Variants in GTF2IRD1 observed in about 807,000 individuals in gnomAD.
GTF2IRD1 encodes GTF2I repeat domain containing 1.
GTF2IRD1 carries 26 observed loss-of-function variants against 113.2 expected under a neutral mutation model. The ratio of observed to expected loss-of-function variants is 0.23; its 90% CI spans 0.17 to 0.32. The LOEUF (loss-of-function observed/expected upper bound fraction) is 0.32. Ranked by LOEUF, GTF2IRD1 falls within the 10% of genes least tolerant of loss-of-function variation. GTF2IRD1 has a pLI of 1.00. For synonymous variants in GTF2IRD1, 484 were observed against 529.1 expected (o/e 0.91, Z 1.17); for missense variants, 864 against 1,280.8 (o/e 0.67, Z 4.97).
At position 74,482,223 on chromosome 7, in the gene GTF2IRD1, CTTTTTTT is replaced by C. The variant is rs5884948; in HGVS notation, c.-6-25835_-6-25829del. Among the ~76,000 whole-genome samples, 9 of 107,998 alleles carry C rather than the reference CTTTTTTT, an allele frequency of 8.3e-5. No individual in the cohort carries two copies. The East Asian group carries it at 2.1e-3, about 25-fold the overall frequency. The allele number at this position is 107,998 out of a possible 152,430, so 70.9% of individuals were successfully genotyped here. Reference sequence around the variant, plus strand: ...TCCCAATACCTGATGTCTCCTAAAACTTTTTTTTTTTTTTTTTTTTTTTGAGACGGGC... The same window carrying C: ...TCCCAATACCTGATGTCTCCTAAAACTTTTTTTTTTTTTTTTGAGACGGGC... On this transcript the variant is annotated intron_variant, in intron 1 of 26. Transcript: ENST00000424337.
intron 14 of GTF2IRD1, among the ~76,000 whole-genome samples, chr7:74,543,049 T>C (rs1798717277): frequency 6.6e-6 from 1 of 150,580 alleles, no homozygotes; most frequent in Non-Finnish European, 1.5e-5. Context: ...CTCACACTTA[T>C]AATCCCAGCA....
At chr7:74,579,025 C>T (rs1196891367) in intron 22 of GTF2IRD1, among the ~76,000 whole-genome samples, 3 of 151,484 alleles carry the variant, frequency 2.0e-5, no homozygotes, top group African/African-American at 7.3e-5. Context: ...AGCATAGATC[C>T]GTTAAAAAGT....
intron 1 of GTF2IRD1, among the ~76,000 whole-genome samples, chr7:74,468,516 G>A (rs954566029): frequency 4.0e-5 from 6 of 151,690 alleles, no homozygotes; most frequent in Admixed American, 6.6e-5. Flanking sequence ...AAAATTAGCC[G>A]GGCGTGGTGG....
Position 74,601,628 on chromosome 7 carries a change from C to T in GTF2IRD1, c.2766+448C>T, listed in dbSNP as rs145490962. The T allele has an allele frequency of 1.2e-3, 536 of 442,860 alleles. 2 individuals are homozygous for T. The highest frequency in any genetic ancestry group is 8.3e-3 in the African/African-American group (425 of 50,940). 27.4% of individuals were successfully genotyped at this position (442,860 alleles called of 1,614,324 possible). A position where few individuals can be genotyped will look rare whatever the true frequency, so the allele number is the denominator to read the frequency against. On this transcript the variant is annotated intron_variant, in intron 26 of 26. Coordinates refer to ENST00000424337, the MANE Select transcript of GTF2IRD1 (RefSeq NM_005685.4). ...TCTCTACTAAAAATACAAAATTAGC[C>T]GGGCAAAGTGGGGCATAGTGGCTCA...
At chr7:74,595,416 A>AG (rs1173105341) in intron 25 of GTF2IRD1, among the ~76,000 whole-genome samples, 1 of 151,764 alleles carries the variant, frequency 6.6e-6, no homozygotes, top group African/African-American at 2.4e-5. Context: ...GAAAAAAAGA[A>AG]AAAAAGAAAG....
chr7:74,594,706 C>T (rs1311286833), intron 24 of GTF2IRD1, among the ~76,000 whole-genome samples: 1 of 152,108 alleles, frequency 6.6e-6, no homozygotes, highest in Non-Finnish European at 1.5e-5. Flanking sequence ...TATCCCAGCA[C>T]TTTGGGAGGT....
intron 22 of GTF2IRD1, among the ~76,000 whole-genome samples, chr7:74,577,177 A>T (rs1371553727): frequency 3.3e-5 from 5 of 152,106 alleles, no homozygotes; most frequent in Admixed American, 2.0e-4. Context: ...AGCTGTGACT[A>T]CAAGCGTGCA....
At chr7:74,469,952 T>C (rs1554331903) in intron 1 of GTF2IRD1, among the ~76,000 whole-genome samples, 1 of 152,126 alleles carries the variant, frequency 6.6e-6, no homozygotes, top group African/African-American at 2.4e-5. Flanking sequence ...AATTATCATA[T>C]TCTTTATTAT....
chr7:74,553,849 T>A (rs1799452267), intron 17 of GTF2IRD1, among the ~76,000 whole-genome samples: 1 of 152,142 alleles, frequency 6.6e-6, no homozygotes, highest in African/African-American at 2.4e-5. Flanking sequence ...GAACCTGAGT[T>A]CTCCCATAAA....
chr7:74,499,833 C>T (rs1297679760), intron 1 of GTF2IRD1, among the ~76,000 whole-genome samples: 9 of 151,952 alleles, frequency 5.9e-5, no homozygotes, highest in African/African-American at 1.9e-4. Flanking sequence ...TGAATGTGCA[C>T]ACCAAGTAAT....
chr7:74,581,922 G>A (rs1336868175), intron 22 of GTF2IRD1, among the ~76,000 whole-genome samples: 1 of 152,162 alleles, frequency 6.6e-6, no homozygotes, highest in African/African-American at 2.4e-5. Context: ...ATGGAGGATG[G>A]CTTCAGCTCA....
intron 22 of GTF2IRD1, among the ~76,000 whole-genome samples, chr7:74,576,782 G>A (rs587599501): frequency 1.2e-3 from 183 of 149,220 alleles, no homozygotes; most frequent in Non-Finnish European, 2.2e-3. Context: ...CAACATGCCC[G>A]GCTAATTTTT....
In GTF2IRD1 at chr7:74,465,728, C is replaced by G. The variant is rs555674572; in HGVS notation, c.-7+11552C>G. ...TTTTCTGCCTGTCTGGGACACACCC[C>G]CTCTGTCCGTGGGGTGTGGGGTGTG... On this transcript the variant is annotated intron_variant, in intron 1 of 26. Transcript: ENST00000424337. Among the ~76,000 whole-genome samples the G allele has an allele frequency of 2.0e-5, 3 of 152,200 alleles. No individual in the cohort carries two copies. The South Asian group carries it at 6.2e-4, about 32-fold the overall frequency.
intron 17 of GTF2IRD1, among the ~76,000 whole-genome samples, chr7:74,548,306 C>T (rs1229492954): frequency 6.6e-6 from 1 of 152,006 alleles, no homozygotes; most frequent in African/African-American, 2.4e-5. Context: ...CCTGTAGTTC[C>T]AGCTACTCAG....
intron 25 of GTF2IRD1, among the ~76,000 whole-genome samples, chr7:74,600,139 G>A (rs1802659553): frequency 6.6e-6 from 1 of 152,142 alleles, no homozygotes; most frequent in Admixed American, 6.6e-5. Flanking sequence ...GATTAATATT[G>A]TTGCCATGAG....
chr7:74,587,934 C>G (rs1385199710), intron 22 of GTF2IRD1, among the ~76,000 whole-genome samples: 1 of 152,090 alleles, frequency 6.6e-6, no homozygotes, highest in Non-Finnish European at 1.5e-5. Context: ...CGGTCTGTTT[C>G]CCATTCACAG....
chr7:74,512,848 C>T lies in GTF2IRD1; in HGVS notation c.142C>T (p.Leu48=). 6.2e-7 allele frequency: 1 copy of T among 1,614,066 alleles called. No individual in the cohort carries two copies. The highest frequency in any genetic ancestry group is 1.1e-5 in the South Asian group (1 of 91,082). Residue 48 remains leucine (L), a synonymous_variant, in exon 3 of 27, where the codon CTG becomes TTG. Coordinates refer to ENST00000424337, the MANE Select transcript of GTF2IRD1 (RefSeq NM_005685.4). The surrounding 1 kb of genome is among the most constrained non-coding windows in gnomAD (Gnocchi z 4.4). ...LDSMCSALSK[L]NAEVACVAVH... ...CCCACAGTGCTCAGCGCTGTCCAAA[C>T]TGAACGCCGAGGTGGCCTGTGTCGC...
At chr7:74,574,802 A>G (rs1177579755) in intron 22 of GTF2IRD1, among the ~76,000 whole-genome samples, 2 of 151,838 alleles carry the variant, frequency 1.3e-5, no homozygotes, top group African/African-American at 4.8e-5. Context: ...AAAAAAAAAA[A>G]ACCCGGCTGA....
intron 26 of GTF2IRD1, 122 bp downstream of exon 26, chr7:74,601,302 G>A: frequency 2.6e-6 from 4 of 1,545,116 alleles, no homozygotes; most frequent in Non-Finnish European, 3.5e-6. Context: ...CTTTGAGTGG[G>A]GACCTTCCGG....
Sources: gnomAD v4.1 joint callset for allele counts (sites outside exome capture counted in the v4.1 genomes callset) on GRCh38, gnomAD v4.1.1 for gene constraint, Gnocchi (gnomAD v3.1) non-coding constraint, MANE v1.5 for transcripts, NCBI Gene and HGNC (gene_info 2026-07-23, HGNC 2026-07-21) for gene names.